Variants in WDR12 observed in about 807,000 individuals in gnomAD.
WDR12 encodes the protein WD repeat domain 12.
Under a neutral mutation model 64.3 loss-of-function variants are expected in WDR12, and 42 were observed. The observed-to-expected ratio is 0.65, with a 90% CI of 0.51 to 0.84. WDR12 has a LOEUF of 0.84. WDR12 is among the 40% of genes least tolerant of loss of function. The pLI, the probability that WDR12 is intolerant of heterozygous loss-of-function variation, is 0.00. For synonymous variants in WDR12, 158 were observed against 173.3 expected, an observed-to-expected ratio of 0.91 and a Z score of 0.70; for missense variants, 469 against 494.6, an observed-to-expected ratio of 0.95 and a Z score of 0.49.
chr2:202,907,730 C>A (rs1049446620), intron 2 of WDR12, 135 bp downstream of exon 2: 1 of 644,436 alleles, frequency 1.6e-6, no homozygotes, highest in Non-Finnish European at 2.7e-6. Context: ...AGCAGAAGAA[C>A]CTGTACTTTA....
At chr2:202,882,913 A>G in intron 11 of WDR12, 130 bp from the exon 12 acceptor site, 1 of 690,596 alleles carries the variant, frequency 1.4e-6, no homozygotes, top group South Asian at 2.3e-5. Flanking sequence ...CTTAATCTTA[A>G]AATTCTGTTT....
At chr2:202,902,486 T>C (rs1688366969) in intron 2 of WDR12, among the ~76,000 whole-genome samples, 2 of 152,150 alleles carry the variant, frequency 1.3e-5, no homozygotes, top group Admixed American at 1.3e-4. Context: ...GTAGGTACCA[T>C]CTAATCAGCT....
chr2:202,893,867 T>C lies in WDR12; in HGVS notation c.655+714A>G, dbSNP rs570033147. ...TGCTTTCAGAGTAAAAATATTAATATTGGTAAAACTGCATTGAAAAATTTT... is the reference window on the plus strand; with the variant it reads ...TGCTTTCAGAGTAAAAATATTAATACTGGTAAAACTGCATTGAAAAATTTT... On this transcript the variant is annotated intron_variant, in intron 7 of 12. Transcript: ENST00000261015. Among the ~76,000 whole-genome samples the C allele has an allele frequency of 1.8e-4, 28 of 152,244 alleles. No individual in the cohort carries two copies. The South Asian group carries it at 5.2e-3, about 28-fold the overall frequency.
At chr2:202,893,907 C>A (rs1390556475) in intron 7 of WDR12, among the ~76,000 whole-genome samples, 1 of 152,096 alleles carries the variant, frequency 6.6e-6, no homozygotes, top group African/African-American at 2.4e-5. Flanking sequence ...AGTAAACCAG[C>A]TTACCTAAGA....
In WDR12 at chr2:202,897,672, G is replaced by A. The variant is rs547314733; in HGVS notation, c.339-257C>T. On this transcript the variant is annotated intron_variant, in intron 4 of 12. Transcript: ENST00000261015. ...TGGGAGGCTGAGGCAGGCGGATCAC[G>A]AGGTCAGGAGATCGAGACCATTCTG... Among the ~76,000 whole-genome samples the A allele has an allele frequency of 7.0e-4, 104 of 148,102 alleles. 1 individual carries two copies. Among genetic ancestry groups the A allele is most frequent in the African/African-American group, 2.5e-3 (98 of 39,992 alleles).
At chr2:202,909,910 C>T (rs969247601) in intron 1 of WDR12, among the ~76,000 whole-genome samples, 1 of 152,046 alleles carries the variant, frequency 6.6e-6, no homozygotes, top group African/African-American at 2.4e-5. Flanking sequence ...ATCCTCCCAC[C>T]TCAGCCTCCC....
intron 8 of WDR12, among the ~76,000 whole-genome samples, chr2:202,888,489 A>G (rs1688091013): frequency 1.3e-5 from 2 of 152,220 alleles, no homozygotes; most frequent in African/African-American, 4.8e-5. Flanking sequence ...TGACATTGTC[A>G]CTACAAACTA....
chr2:202,904,688 T>G (rs1688422725), intron 2 of WDR12, among the ~76,000 whole-genome samples: 1 of 152,198 alleles, frequency 6.6e-6, no homozygotes, highest in Non-Finnish European at 1.5e-5. Flanking sequence ...GATTAAAGAC[T>G]TAAATATTTG....
chr2:202,893,742 T>G (rs1283970975), intron 7 of WDR12, among the ~76,000 whole-genome samples: 1 of 152,156 alleles, frequency 6.6e-6, no homozygotes, highest in East Asian at 1.9e-4. Context: ...GGTGTGTGTT[T>G]TTTCCTCTTT....
chr2:202,894,832 G>A (rs1329370183), intron 6 of WDR12: 4 of 441,410 alleles, frequency 9.1e-6, no homozygotes, highest in African/African-American at 8.2e-5. Context: ...GTCTTTTGAA[G>A]AAAGCCAATC....
rs1045039331 is a variant in WDR12, at chr2:202,876,885, C to T, written c.*3975G>A. 6.6e-6 allele frequency: 1 copy of T among 152,550 alleles called. No individual in the cohort carries two copies. The highest frequency in any genetic ancestry group is 1.5e-5 in the Non-Finnish European group (1 of 68,032). The allele number at this position is 152,550 out of a possible 1,614,324, so 9.4% of individuals were successfully genotyped here. On this transcript the variant is annotated 3_prime_UTR_variant, in exon 13 of 13. Coordinates refer to ENST00000261015, the MANE Select transcript of WDR12 (RefSeq NM_018256.4). ...GTTAGAGGCTGCAGTGAGCTATAAT[C>T]GGGCCGCTGCACTCTAGCTTGGGCA...
chr2:202,894,631 A>G lies in WDR12; in HGVS notation c.610-5T>C. The G allele has an allele frequency of 6.2e-7, 1 of 1,606,806 alleles. No individual in the cohort carries two copies. The highest frequency in any genetic ancestry group is 8.5e-7 in the Non-Finnish European group (1 of 1,176,394). On this transcript the variant is annotated splice_region_variant and splice_polypyrimidine_tract_variant and intron_variant, in intron 6 of 12. Transcript: ENST00000261015. ...ATCCCAGGAGCCACTGCAAAACTAA[A>G]CAGATGTATATGAAGGGAAAAGACA...
chr2:202,882,362 T>C (rs774158734), intron 12 of WDR12, among the ~76,000 whole-genome samples: 1 of 151,308 alleles, frequency 6.6e-6, no homozygotes, highest in Non-Finnish European at 1.5e-5. Context: ...TGAGATGGAG[T>C]CTATCTCCCA....
At chr2:202,901,184 G>T in intron 2 of WDR12, 65 bp from the exon 3 acceptor site, 1 of 1,260,214 alleles carries the variant, frequency 7.9e-7, no homozygotes, top group South Asian at 1.7e-5. Flanking sequence ...AGAGGTATAT[G>T]AGAACTCCCA....
At chr2:202,886,211 C>T (rs1559158989) in intron 8 of WDR12, among the ~76,000 whole-genome samples, 1 of 151,052 alleles carries the variant, frequency 6.6e-6, no homozygotes, top group African/African-American at 2.4e-5. Context: ...AATCCTAGCA[C>T]TTTGGGAGGC....
At chr2:202,892,843 A>G (rs1688178115) in intron 7 of WDR12, 141 bp from the exon 8 acceptor site, 2 of 437,728 alleles carry the variant, frequency 4.6e-6, no homozygotes, top group Non-Finnish European at 7.9e-6. Flanking sequence ...CATTTTGGTT[A>G]ACAGAAAGTT....
intron 4 of WDR12, among the ~76,000 whole-genome samples, chr2:202,898,691 T>A (rs533063245): frequency 6.6e-6 from 1 of 152,320 alleles, no homozygotes; most frequent in African/African-American, 2.4e-5. Context: ...ATGCTATGCA[T>A]CTTTAAGGTA....
At chr2:202,901,473 T>C (rs184677110) in intron 2 of WDR12, among the ~76,000 whole-genome samples, 1 of 152,170 alleles carries the variant, frequency 6.6e-6, no homozygotes, top group Admixed American at 6.5e-5. Context: ...TCAGAAATTA[T>C]ATCATTTCAT....
At chr2:202,891,842 A>G (rs1688161941) in intron 8 of WDR12, among the ~76,000 whole-genome samples, 1 of 152,236 alleles carries the variant, frequency 6.6e-6, no homozygotes, top group South Asian at 2.1e-4. Flanking sequence ...AACAGGATAA[A>G]TAATAATCTG....
Sources: gnomAD v4.1 joint callset for allele counts (sites outside exome capture counted in the v4.1 genomes callset) on GRCh38, gnomAD v4.1.1 for gene constraint, MANE v1.5 for transcripts, NCBI Gene and HGNC (gene_info 2026-07-23, HGNC 2026-07-21) for gene names.